The following PCSK6 variants were observed in gnomAD, a reference collection of about 807,000 sequenced individuals.
The protein encoded by PCSK6 is proprotein convertase subtilisin/kexin type 6.
A neutral mutation model predicts 123.3 loss-of-function variants in PCSK6; 85 were observed. The ratio of observed to expected loss-of-function variants is 0.69; its 90% CI spans 0.58 to 0.83. The LOEUF (loss-of-function observed/expected upper bound fraction) is 0.83. Ranked by LOEUF, PCSK6 falls within the 40% of genes least tolerant of loss-of-function variation. PCSK6 has a pLI of 0.00. For missense variants in PCSK6, 1,191 were observed against 1,282.3 expected (o/e 0.93, Z 1.09); for synonymous variants, 508 against 516.0 (o/e 0.98, Z 0.21).
chr15:101,426,006 G>C (rs571374488), intron 6 of PCSK6, among the ~76,000 whole-genome samples: 1 of 152,158 alleles, frequency 6.6e-6, no homozygotes, highest in Non-Finnish European at 1.5e-5. Context: ...CCCTGACTCC[G>C]TAGGCCTGGG....
chr15:101,326,589 TCCCAGG>T, intron 15 of PCSK6, 110 bp from the exon 16 acceptor site: 1 of 1,063,066 alleles, frequency 9.4e-7, no homozygotes, highest in Non-Finnish European at 1.4e-6. Context: ...TGGGAGACGC[TCCCAGG>T]CCCCGCTGGG....
In PCSK6 at chr15:101,378,975, G is replaced by A. The variant is rs112842196; in HGVS notation, c.1532+3117C>T. ...TGTGCTGTGCTGGTGGCCTTTCCGC[G>A]CCTTTGGGCCTGAGCATGACTCGGG... On this transcript the variant is annotated intron_variant, in intron 11 of 21. Coordinates refer to ENST00000611716, the MANE Select transcript of PCSK6 (RefSeq NM_002570.5). Among the ~76,000 whole-genome samples, 565 of 152,320 alleles carry A rather than the reference G, an allele frequency of 3.7e-3. 6 individuals are homozygous for A. Among genetic ancestry groups the A allele is most frequent in the African/African-American group, 0.013 (531 of 41,562 alleles).
intron 13 of PCSK6, among the ~76,000 whole-genome samples, chr15:101,344,083 A>T (rs113685955): frequency 0.024 from 3,670 of 152,008 alleles, 147 homozygotes; most frequent in African/African-American, 0.08. Flanking sequence ...CTCAAAAAAA[A>T]AAATAAATAA....
chr15:101,440,195 G>A (rs564841805), intron 2 of PCSK6, among the ~76,000 whole-genome samples: 1 of 152,306 alleles, frequency 6.6e-6, no homozygotes, highest in African/African-American at 2.4e-5. Context: ...AAAACCCAGC[G>A]ACCGATAACT....
intron 20 of PCSK6, among the ~76,000 whole-genome samples, chr15:101,311,417 G>A (rs1238916794): frequency 2.6e-5 from 4 of 151,360 alleles, no homozygotes; most frequent in Non-Finnish European, 5.9e-5. Context: ...GTGAGCCACC[G>A]TGCCCGGCCT....
intron 1 of PCSK6, among the ~76,000 whole-genome samples, chr15:101,458,419 ATACACAGTCACTGGACCCCCGGGCTG>A (rs1275453108): frequency 2.6e-5 from 4 of 152,170 alleles, no homozygotes; most frequent in African/African-American, 4.8e-5. Flanking sequence ...GGCCCGGGCT[ATACACAGTCACTGGACCCCCGGGCTG>A]TACACAGTCA....
intron 12 of PCSK6, among the ~76,000 whole-genome samples, chr15:101,368,899 G>A (rs1393689118): frequency 6.6e-6 from 1 of 152,184 alleles, no homozygotes; most frequent in Non-Finnish European, 1.5e-5. Context: ...AACACCACGG[G>A]GAGCAACATA....
At chr15:101,395,555 G>C (rs984972678) in intron 7 of PCSK6, among the ~76,000 whole-genome samples, 2 of 152,210 alleles carry the variant, frequency 1.3e-5, no homozygotes, top group African/African-American at 2.4e-5. Flanking sequence ...AAACAGCCAG[G>C]TCTGAGGAGT....
Position 101,489,647 on chromosome 15 carries a change from C to G in PCSK6, c.24G>C (p.Ala8=). MPPRAPP[A]PGPRPPPRAA... ...CCCGGGGCGGCGGCCGGGGCCCGGG[C>G]GCAGGCGGCGCGCGCGGAGGCATAG... The change falls in exon 1 of 22, where the codon GCG becomes GCC. Residue 8 remains alanine, a synonymous_variant. Coordinates refer to ENST00000611716, the MANE Select transcript of PCSK6 (RefSeq NM_002570.5). The G allele has an allele frequency of 1.0e-6, 1 of 975,802 alleles. No homozygotes were observed. Among genetic ancestry groups the G allele is most frequent in the Non-Finnish European group, 1.2e-6 (1 of 825,326 alleles). The allele number at this position is 975,802 out of a possible 1,614,324, so 60.4% of individuals were successfully genotyped here. A position where few individuals can be genotyped will look rare whatever the true frequency, so the allele number is the denominator to read the frequency against.
At chr15:101,309,576 G>A (rs1020136071) in intron 20 of PCSK6, among the ~76,000 whole-genome samples, 4 of 152,252 alleles carry the variant, frequency 2.6e-5, no homozygotes, top group African/African-American at 9.6e-5. Flanking sequence ...CCTCCTGCCT[G>A]TTCAGGAGTG....
chr15:101,422,573 G>A (rs1302244262), intron 6 of PCSK6, among the ~76,000 whole-genome samples: 2 of 151,808 alleles, frequency 1.3e-5, no homozygotes, highest in Non-Finnish European at 2.9e-5. Flanking sequence ...TTAAAAAAAA[G>A]AATAATCAGG....
chr15:101,409,103 C>G (rs1441658633), intron 6 of PCSK6, among the ~76,000 whole-genome samples: 1 of 152,220 alleles, frequency 6.6e-6, no homozygotes, highest in Admixed American at 6.5e-5. Context: ...CTGCAGGCCC[C>G]AAATGCAGCC....
At chr15:101,342,956 C>T (rs1193191959) in intron 13 of PCSK6, among the ~76,000 whole-genome samples, 1 of 151,954 alleles carries the variant, frequency 6.6e-6, no homozygotes, top group Non-Finnish European at 1.5e-5. Flanking sequence ...GACTGTTTCC[C>T]TATTTTTCTA....
chr15:101,459,416 T>G (rs1362561616), intron 1 of PCSK6, among the ~76,000 whole-genome samples: 3 of 127,668 alleles, frequency 2.3e-5, no homozygotes, highest in African/African-American at 8.1e-5. Context: ...TCTCCCGGCT[T>G]GCTCCGCGTC....
chr15:101,462,125 A>G (rs1396705687), intron 1 of PCSK6, among the ~76,000 whole-genome samples: 2 of 152,228 alleles, frequency 1.3e-5, no homozygotes, highest in African/African-American at 4.8e-5. Flanking sequence ...ATTGGAAGAA[A>G]TAAGGGACTT....
intron 1 of PCSK6, among the ~76,000 whole-genome samples, chr15:101,467,816 A>G (rs536693429): frequency 2.0e-5 from 3 of 152,162 alleles, no homozygotes; most frequent in Non-Finnish European, 4.4e-5. Context: ...ACCAAAGCTA[A>G]GCAACACGTT....
intron 6 of PCSK6, among the ~76,000 whole-genome samples, chr15:101,403,388 T>A (rs936690660): frequency 1.3e-5 from 2 of 150,690 alleles, no homozygotes; most frequent in Admixed American, 6.6e-5. Context: ...AACCTGCACA[T>A]TGTGCACATG....
chr15:101,434,084 TG>T (rs2056526668), intron 2 of PCSK6, among the ~76,000 whole-genome samples: 1 of 152,248 alleles, frequency 6.6e-6, no homozygotes, highest in African/African-American at 2.4e-5. Context: ...TGAGATATTT[TG>T]TTCCTAACAC....
At chr15:101,447,718 C>T (rs910325515) in intron 1 of PCSK6, among the ~76,000 whole-genome samples, 3 of 152,268 alleles carry the variant, frequency 2.0e-5, no homozygotes, top group Non-Finnish European at 2.9e-5. Flanking sequence ...CCTCCCTGCT[C>T]AGCAGCCTGG....
Sources: gnomAD v4.1 joint callset for allele counts (sites outside exome capture counted in the v4.1 genomes callset) on GRCh38, gnomAD v4.1.1 for gene constraint, MANE v1.5 for transcripts, NCBI Gene and HGNC (gene_info 2026-07-23, HGNC 2026-07-21) for gene names.